The following FAM91A1 variants were observed in gnomAD, a reference collection of about 807,000 sequenced individuals.
The protein encoded by FAM91A1 is protein FAM91A1.
A neutral mutation model predicts 113.5 loss-of-function variants in FAM91A1; 41 were observed. That is an observed-to-expected ratio of 0.36 (90% CI 0.28 to 0.47). FAM91A1 has a LOEUF of 0.47. Among genes scored for constraint, FAM91A1 ranks in the 20% least tolerant of loss-of-function variants. FAM91A1 has a pLI of 1.00. For synonymous variants in FAM91A1, 307 were observed against 347.9 expected, an observed-to-expected ratio of 0.88 and a Z score of 1.31; for missense variants, 696 against 1,001.2, an observed-to-expected ratio of 0.70 and a Z score of 4.11.
intron 15 of FAM91A1, among the ~76,000 whole-genome samples, chr8:123,795,389 C>T (rs183547103): frequency 6.6e-6 from 1 of 151,348 alleles, no homozygotes; most frequent in African/African-American, 2.4e-5. Context: ...CCCCCGCCCC[C>T]CTGCCCTTTA....
At chr8:123,789,556 G>C (rs1815333744) in intron 14 of FAM91A1, 57 bp from the exon 15 acceptor site, 10 of 1,606,544 alleles carry the variant, frequency 6.2e-6, no homozygotes, top group Non-Finnish European at 8.5e-6. Context: ...ATGATTATTA[G>C]AGTGAATGGC....
chr8:123,769,234 C>T (rs2130022972), intron 1 of FAM91A1, among the ~76,000 whole-genome samples: 1 of 152,258 alleles, frequency 6.6e-6, no homozygotes, highest in Admixed American at 6.5e-5. Context: ...AAGGCAGGCA[C>T]TTAAATTGGG....
intron 2 of FAM91A1, among the ~76,000 whole-genome samples, chr8:123,774,575 A>AT (rs551896826): frequency 1.3e-5 from 2 of 151,198 alleles, no homozygotes; most frequent in African/African-American, 4.9e-5. Flanking sequence ...TCATTCCATG[A>AT]TTTTTTTTTC....
rs1586368258 is a variant in FAM91A1 at position 123,775,300 on chromosome 8, T to G, written c.309+2T>G. On this transcript the variant is annotated splice_donor_variant, in intron 3 of 23. Coordinates refer to ENST00000334705, the MANE Select transcript of FAM91A1 (RefSeq NM_144963.4). LOFTEE classifies it high-confidence loss of function. ...TCATATTATACTGGGATTATGGAGG[T>G]GAGTTTACAGTGTGGGTGAGCCAGT... is the stretch of plus-strand genomic sequence containing the variant. 4 of 1,612,896 alleles carry G rather than the reference T, an allele frequency of 2.5e-6. No individual in the cohort carries two copies. The highest frequency in any genetic ancestry group is 3.4e-6 in the Non-Finnish European group (4 of 1,179,420).
chr8:123,786,409 A>G, intron 11 of FAM91A1, 86 bp from the exon 12 acceptor site: 1 of 1,003,408 alleles, frequency 1.0e-6, no homozygotes, highest in Non-Finnish European at 1.5e-6. Flanking sequence ...TGGATTGTTC[A>G]TAATTTAAGT....
intron 8 of FAM91A1, among the ~76,000 whole-genome samples, chr8:123,784,238 T>A (rs189399832): frequency 6.6e-6 from 1 of 152,194 alleles, no homozygotes; most frequent in African/African-American, 2.4e-5. Flanking sequence ...TCAGTAACTC[T>A]GAGTTCCATG....
chr8:123,770,719 T>C (rs1436299673), intron 1 of FAM91A1, among the ~76,000 whole-genome samples: 1 of 152,240 alleles, frequency 6.6e-6, no homozygotes, highest in African/African-American at 2.4e-5. Flanking sequence ...AAAGAGTTTC[T>C]AAAACGTAGT....
chr8:123,808,178 A>G (rs1222070611), intron 20 of FAM91A1, 94 bp from the exon 21 acceptor site: 14 of 970,384 alleles, frequency 1.4e-5, no homozygotes, highest in Non-Finnish European at 2.0e-5. Flanking sequence ...CATCATTACT[A>G]TTGTCTGAAG....
intron 14 of FAM91A1, 124 bp downstream of exon 14, chr8:123,787,874 C>A: frequency 1.5e-6 from 1 of 663,414 alleles, no homozygotes. Context: ...TCGTTCCTAC[C>A]TCATTCCCCA....
chr8:123,786,119 C>G (rs549390358), intron 11 of FAM91A1: 1 of 244,338 alleles, frequency 4.1e-6, no homozygotes, highest in Admixed American at 5.2e-5. Context: ...GCACCTGGCC[C>G]AGAAATTTTA....
intron 15 of FAM91A1, among the ~76,000 whole-genome samples, chr8:123,790,755 C>T (rs1298710290): frequency 6.6e-6 from 1 of 152,146 alleles, no homozygotes; most frequent in Non-Finnish European, 1.5e-5. Context: ...GCTAGACTCA[C>T]TTGGTATCAA....
intron 6 of FAM91A1, among the ~76,000 whole-genome samples, chr8:123,779,164 G>A (rs1323917115): frequency 1.3e-5 from 2 of 152,186 alleles, no homozygotes; most frequent in Non-Finnish European, 2.9e-5. Flanking sequence ...AGCCCCAGAG[G>A]TATGTATTAT....
In FAM91A1 at chr8:123,808,454, C is replaced by T. The variant is rs888439271; in HGVS notation, c.2137+78C>T. ...CTTTTATGTTAAGGCATTTGCATGC[C>T]ATTTGTCTATTCTTATTATTCATAC... On this transcript the variant is annotated intron_variant, in intron 21 of 23. Transcript: ENST00000334705. The T allele has an allele frequency of 5.8e-5, 66 of 1,142,132 alleles. No homozygotes were observed. The African/African-American group carries it at 1.0e-3, about 17-fold the overall frequency. The allele number at this position is 1,142,132 out of a possible 1,614,324, so 70.7% of individuals were successfully genotyped here.
intron 18 of FAM91A1, among the ~76,000 whole-genome samples, chr8:123,802,734 G>C (rs1815718164): frequency 6.6e-6 from 1 of 152,134 alleles, no homozygotes; most frequent in South Asian, 2.1e-4. Flanking sequence ...TCATAGAATG[G>C]GCTAGACATG....
intron 21 of FAM91A1, among the ~76,000 whole-genome samples, chr8:123,808,597 T>C (rs921550259): frequency 6.6e-6 from 1 of 152,186 alleles, no homozygotes; most frequent in Admixed American, 6.5e-5. Flanking sequence ...TTTGATTCAT[T>C]CTCTCATCTT....
At position 123,813,819 on chromosome 8, in the gene FAM91A1, TTATAG is replaced by T. The variant is rs780884879; in HGVS notation, c.*1117_*1121del. The T allele has an allele frequency of 5.1e-5, 8 of 155,392 alleles. No individual in the cohort carries two copies. Among genetic ancestry groups the T allele is most frequent in the African/African-American group, 1.9e-4 (8 of 41,480 alleles). The allele number at this position is 155,392 out of a possible 1,614,324, so 9.6% of individuals were successfully genotyped here. On this transcript the variant is annotated 3_prime_UTR_variant, in exon 24 of 24. Coordinates refer to ENST00000334705, the MANE Select transcript of FAM91A1 (RefSeq NM_144963.4). Reference sequence around the variant, plus strand: ...CCTTCCTTGGGAAGTTTGTGCAGTGTTATAGTTTAGTTTAGCTCCTCTTACAGGGT... The same window carrying T: ...CCTTCCTTGGGAAGTTTGTGCAGTGTTTTAGTTTAGCTCCTCTTACAGGGT...
chr8:123,807,414 CAGG>C (rs1412345070), intron 20 of FAM91A1, among the ~76,000 whole-genome samples: 3 of 131,706 alleles, frequency 2.3e-5, no homozygotes, highest in Non-Finnish European at 4.6e-5. Flanking sequence ...GAGGCTAAAG[CAGG>C]AGTATTGCTT....
At chr8:123,779,534 G>C (rs148051859) in intron 6 of FAM91A1, among the ~76,000 whole-genome samples, 1 of 152,128 alleles carries the variant, frequency 6.6e-6, no homozygotes. Flanking sequence ...TCCAGGGTAC[G>C]TACTAAATCC....
intron 15 of FAM91A1, among the ~76,000 whole-genome samples, chr8:123,792,930 T>C (rs1815422993): frequency 6.6e-6 from 1 of 152,192 alleles, no homozygotes; most frequent in African/African-American, 2.4e-5. Context: ...AACTGCCTGT[T>C]CTGAATTATC....
Sources: allele counts gnomAD v4.1 joint callset (sites outside exome capture counted in the v4.1 genomes callset), GRCh38; gene constraint gnomAD v4.1.1; transcripts MANE v1.5; gene names NCBI Gene and HGNC (gene_info 2026-07-23, HGNC 2026-07-21).